TCF12: variants seen among roughly 807,000 people sequenced by gnomAD.
TCF12 encodes transcription factor 12, also known as DNA-binding protein HTF4.
In TCF12, 45 loss-of-function variants were observed where a neutral mutation model predicts 86.0. The ratio of observed to expected loss-of-function variants is 0.52; its 90% CI spans 0.41 to 0.67. The LOEUF (loss-of-function observed/expected upper bound fraction) is 0.67, where lower values mean the gene tolerates loss of function less well. Among genes scored for constraint, TCF12 ranks in the 30% least tolerant of loss-of-function variants. The pLI is 0.00. For synonymous variants in TCF12, 330 were observed against 299.6 expected, an observed-to-expected ratio of 1.10 and a Z score of -1.05; for missense variants, 881 against 859.9, an observed-to-expected ratio of 1.02 and a Z score of -0.31.
In TCF12 at chr15:57,251,401, A is replaced by G. The variant is rs777075055; in HGVS notation, c.1166A>G (p.Tyr389Cys). The change falls in exon 14 of 21, where the codon TAT becomes TGT. Residue 389 changes from tyrosine (Y) to cysteine (C), a missense_variant. This residue lies in a region of TCF12 where 766 missense variants were observed against 718.9 expected (regional missense o/e 1.07). Coordinates refer to ENST00000333725, the MANE Select transcript of TCF12 (RefSeq NM_207037.2). Reference protein sequence around the residue: ...PGGQAPSSPSYENSLHSLKNR... With the variant: ...PGGQAPSSPSCENSLHSLKNR... ...GGGCAAGCACCTTCATCCCCAAGCT[A>G]TGAAAACTCACTCCACTCCCTGGTA... is the stretch of plus-strand genomic sequence containing the variant. 71 of 1,613,942 alleles carry G rather than the reference A, an allele frequency of 4.4e-5. No homozygotes were observed. The highest frequency in any genetic ancestry group is 1.7e-4 in the Middle Eastern group (1 of 6,058).
At chr15:57,047,999 AG>A (rs11287846) in intron 3 of TCF12, among the ~76,000 whole-genome samples, 81,998 of 151,940 alleles carry the variant, frequency 0.54, 22,690 homozygotes, top group Admixed American at 0.6. Flanking sequence ...AACATAGAAA[AG>A]GTACAATAAA....
chr15:57,081,974 C>G (rs1437047507), intron 4 of TCF12, among the ~76,000 whole-genome samples: 1 of 152,200 alleles, frequency 6.6e-6, no homozygotes, highest in Non-Finnish European at 1.5e-5. Context: ...TCAGCTGTGG[C>G]TTATCTACTT....
At chr15:57,150,091 AC>A (rs1484643931) in intron 5 of TCF12, among the ~76,000 whole-genome samples, 66 of 152,304 alleles carry the variant, frequency 4.3e-4, no homozygotes, top group Non-Finnish European at 4.4e-5. Context: ...CAGCAAAAAG[AC>A]GAGATAATCA....
At chr15:56,999,130 G>A (rs1304883294) in intron 3 of TCF12, among the ~76,000 whole-genome samples, 3 of 151,788 alleles carry the variant, frequency 2.0e-5, no homozygotes, top group Admixed American at 1.3e-4. Context: ...CCCGGGAAGC[G>A]GAGCTTGCAG....
rs116712568 is a variant in TCF12 at position 57,273,658 on chromosome 15, C to T, written c.1978+396C>T. Reference sequence around the variant, plus strand: ...TGTATTCATTTTCTTGCCTGCTCTACTTTGGAGTATCTACCGTGCCCTGCT... The same window carrying T: ...TGTATTCATTTTCTTGCCTGCTCTATTTTGGAGTATCTACCGTGCCCTGCT... On this transcript the variant is annotated intron_variant, in intron 19 of 20. Transcript: ENST00000333725. Among the ~76,000 whole-genome samples, 418 of 152,224 alleles carry T rather than the reference C, an allele frequency of 2.7e-3. 2 individuals carry two copies. Among genetic ancestry groups the T allele is most frequent in the African/African-American group, 9.1e-3 (379 of 41,536 alleles).
At chr15:57,203,093 C>A (rs115530068) in intron 8 of TCF12, among the ~76,000 whole-genome samples, 1,750 of 152,286 alleles carry the variant, frequency 0.011, 32 homozygotes, top group African/African-American at 0.039. Flanking sequence ...GTGCCTGGCA[C>A]CTAATGACTG....
At chr15:57,153,040 T>C (rs1388873020) in intron 5 of TCF12, among the ~76,000 whole-genome samples, 1 of 152,252 alleles carries the variant, frequency 6.6e-6, no homozygotes, top group African/African-American at 2.4e-5. Flanking sequence ...GTGATATCTC[T>C]AATGTATTAC....
intron 8 of TCF12, among the ~76,000 whole-genome samples, chr15:57,229,155 C>A (rs1320541410): frequency 1.3e-5 from 2 of 151,954 alleles, no homozygotes; most frequent in Non-Finnish European, 2.9e-5. Context: ...CAGAGAACTT[C>A]TAGCTAGGGC....
At chr15:57,078,236 G>A (rs1224079474) in intron 4 of TCF12, among the ~76,000 whole-genome samples, 1 of 152,166 alleles carries the variant, frequency 6.6e-6, no homozygotes, top group African/African-American at 2.4e-5. Context: ...CTGTGCTGGT[G>A]TATTAGCATC....
At chr15:56,970,712 T>TG (rs1166667401) in intron 3 of TCF12, among the ~76,000 whole-genome samples, 2 of 151,706 alleles carry the variant, frequency 1.3e-5, no homozygotes, top group African/African-American at 4.8e-5. Flanking sequence ...GACTTTTGCA[T>TG]GGGGAAAAAA....
chr15:57,255,164 G>T (rs1212722992), intron 16 of TCF12, among the ~76,000 whole-genome samples: 1 of 151,966 alleles, frequency 6.6e-6, no homozygotes, highest in African/African-American at 2.4e-5. Context: ...CAACTTATCA[G>T]CTACAGTATT....
intron 3 of TCF12, among the ~76,000 whole-genome samples, chr15:57,061,435 A>AT (rs1162116600): frequency 3.9e-5 from 6 of 151,992 alleles, no homozygotes; most frequent in African/African-American, 1.5e-4. Flanking sequence ...TCTCTACAAA[A>AT]TAAAAAAAAA....
rs1172985579 is a variant in TCF12, at chr15:57,133,974, G to C, written c.326-32428G>C. On this transcript the variant is annotated intron_variant, in intron 5 of 20. Transcript: ENST00000333725. ...GTGATTTGCAATTTTTTAAAAGATAGTTTCTGTGATCATAATTGGATTATC... is the reference window on the plus strand; with the variant it reads ...GTGATTTGCAATTTTTTAAAAGATACTTTCTGTGATCATAATTGGATTATC... 3.9e-5 allele frequency among the ~76,000 whole-genome samples: 6 copies of C among 152,164 alleles called. No homozygotes were observed. The East Asian group carries it at 1.2e-3, about 29-fold the overall frequency.
intron 19 of TCF12, among the ~76,000 whole-genome samples, chr15:57,273,657 A>C (rs1450045342): frequency 6.6e-6 from 1 of 151,934 alleles, no homozygotes; most frequent in African/African-American, 2.4e-5. Flanking sequence ...TGCCTGCTCT[A>C]CTTTGGAGTA....
chr15:57,149,801 T>C (rs1398328454), intron 5 of TCF12, among the ~76,000 whole-genome samples: 1 of 152,244 alleles, frequency 6.6e-6, no homozygotes, highest in Non-Finnish European at 1.5e-5. Flanking sequence ...GTCTGATTAT[T>C]TACAGAAGTC....
At chr15:57,102,961 GA>G (rs1460994462) in intron 5 of TCF12, among the ~76,000 whole-genome samples, 9 of 152,156 alleles carry the variant, frequency 5.9e-5, no homozygotes, top group African/African-American at 1.7e-4. Context: ...ATTGGGAGAG[GA>G]AAAGGTGAAA....
At chr15:57,087,973 A>G (rs2048755447) in intron 4 of TCF12, among the ~76,000 whole-genome samples, 1 of 152,104 alleles carries the variant, frequency 6.6e-6, no homozygotes, top group Admixed American at 6.5e-5. Flanking sequence ...CCTGGGAGCC[A>G]TGTTTGACCC....
chr15:56,941,720 C>G (rs1282105873), intron 3 of TCF12, among the ~76,000 whole-genome samples: 1 of 150,376 alleles, frequency 6.6e-6, no homozygotes, highest in Non-Finnish European at 1.5e-5. Context: ...GAGTTGACTG[C>G]TCTGATATGG....
intron 8 of TCF12, among the ~76,000 whole-genome samples, chr15:57,215,829 A>G (rs1177611996): frequency 6.6e-6 from 1 of 152,184 alleles, no homozygotes; most frequent in Non-Finnish European, 1.5e-5. Flanking sequence ...CAGGATAAAA[A>G]TGAGCTAATA....
Sources: gnomAD v4.1 joint callset for allele counts (sites outside exome capture counted in the v4.1 genomes callset) on GRCh38, gnomAD v4.1.1 for gene constraint, gnomAD v4.1.1 regional missense constraint, MANE v1.5 for transcripts, NCBI Gene and HGNC (gene_info 2026-07-23, HGNC 2026-07-21) for gene names.